USP54: variants seen among roughly 807,000 people sequenced by gnomAD.
USP54 encodes ubiquitin specific peptidase 54.
A neutral mutation model predicts 170.5 loss-of-function variants in USP54; 87 were observed. The ratio of observed to expected loss-of-function variants is 0.51; its 90% CI spans 0.43 to 0.61. The LOEUF is 0.61. Ranked by LOEUF, USP54 falls within the 20% of genes least tolerant of loss-of-function variation. The pLI, the probability that USP54 is intolerant of heterozygous loss-of-function variation, is 0.00. For synonymous variants in USP54, 655 were observed against 742.8 expected, an observed-to-expected ratio of 0.88 and a Z score of 1.92; for missense variants, 1,786 against 2,047.8, an observed-to-expected ratio of 0.87 and a Z score of 2.47.
At chr10:73,573,554 AG>A (rs1161604784) in intron 3 of USP54, among the ~76,000 whole-genome samples, 4 of 152,190 alleles carry the variant, frequency 2.6e-5, no homozygotes, top group African/African-American at 9.7e-5. Context: ...ACCTGAGGTG[AG>A]GGGTTCAAGA....
chr10:73,523,675 A>G lies in USP54; in HGVS notation c.2270T>C (p.Leu757Pro), dbSNP rs1423389839. ...TAACTCCTTCTCCCGTTTTCTTCGA[A>G]GTTCCTGTTCCTGCGCCCTCCTGGC... is the stretch of plus-strand genomic sequence containing the variant. ...EVARRAQEQE[L>P]RRKREKELEA... Residue 757 changes from leucine (L) to proline (P), a missense_variant, in exon 17 of 24, where the codon CTT becomes CCT. Transcript: ENST00000687698. The G allele has an allele frequency of 6.2e-7, 1 of 1,614,000 alleles. No individual in the cohort carries two copies.
intron 1 of USP54, among the ~76,000 whole-genome samples, chr10:73,581,894 A>G (rs1375534268): frequency 6.6e-6 from 1 of 152,242 alleles, no homozygotes; most frequent in African/African-American, 2.4e-5. Flanking sequence ...TGCCAGAATT[A>G]AAGACATACC....
intron 16 of USP54, among the ~76,000 whole-genome samples, chr10:73,524,273 A>G (rs2062456691): frequency 6.6e-6 from 1 of 151,950 alleles, no homozygotes; most frequent in African/African-American, 2.4e-5. Flanking sequence ...CACTTGGGCC[A>G]GGAATAATAA....
rs971552503 is a variant in USP54 at position 73,542,942 on chromosome 10, A to G, written c.490-57T>C. ...AACCATAATCAGGAACTGTTTTGGC[A>G]CCCATTTAACACCCCACATCCCAGG... On this transcript the variant is annotated intron_variant, in intron 6 of 23. Transcript: ENST00000687698. The G allele has an allele frequency of 3.1e-6, 5 of 1,610,122 alleles. No individual in the cohort carries two copies. The African/African-American group carries it at 5.3e-5, about 17-fold the overall frequency.
intron 19 of USP54, chr10:73,518,197 C>T: frequency 1.0e-6 from 1 of 985,396 alleles, no homozygotes; most frequent in South Asian, 4.7e-5. Context: ...ACCTGGGGTC[C>T]TGAGAGGCAG....
intron 1 of USP54, among the ~76,000 whole-genome samples, chr10:73,585,912 C>T (rs2077426009): frequency 6.6e-6 from 1 of 152,008 alleles, no homozygotes; most frequent in Non-Finnish European, 1.5e-5. Flanking sequence ...TCCCAGGAGG[C>T]TGAGGCAGGA....
chr10:73,616,252 T>A (rs1014093657), intron 1 of USP54, among the ~76,000 whole-genome samples: 2 of 141,210 alleles, frequency 1.4e-5, no homozygotes. Flanking sequence ...GCAGGAGAAC[T>A]GCTTGAGCCC....
At position 73,575,819 on chromosome 10, in the gene USP54, G is replaced by A; in HGVS notation, c.-39C>T. 1.3e-6 allele frequency: 1 copy of A among 799,766 alleles called. No homozygotes were observed. Among genetic ancestry groups the A allele is most frequent in the Admixed American group, 3.1e-5 (1 of 31,916 alleles). The allele number at this position is 799,766 out of a possible 1,614,324, so 49.5% of individuals were successfully genotyped here. A position where few individuals can be genotyped will look rare whatever the true frequency, so the allele number is the denominator to read the frequency against. On this transcript the variant is annotated 5_prime_UTR_variant, in exon 2 of 24. Coordinates refer to ENST00000687698, the MANE Select transcript of USP54 (RefSeq NM_001391956.1). ...CCACCTTCCAAATATCATCTGTGTA[G>A]TCAAGGGACTCAGGTATCCTCCTAG...
At chr10:73,511,096 C>CTTT (rs777196673) in intron 20 of USP54, among the ~76,000 whole-genome samples, 4,634 of 121,460 alleles carry the variant, frequency 0.038, 341 homozygotes, top group African/African-American at 0.13. Context: ...ATGAAAACAC[C>CTTT]TTTTTTTTTT....
intron 7 of USP54, among the ~76,000 whole-genome samples, chr10:73,542,426 C>T (rs2066815753): frequency 1.3e-5 from 2 of 151,240 alleles, no homozygotes; most frequent in African/African-American, 4.9e-5. Context: ...TGAATGTCTC[C>T]AATTAAAGTC....
At chr10:73,592,760 T>C (rs955160419), upstream of USP54, among the ~76,000 whole-genome samples, 2 of 152,192 alleles carry the variant, frequency 1.3e-5, no homozygotes, top group African/African-American at 2.4e-5. Context: ...TGATTACAAC[T>C]AGACAACATT....
chr10:73,508,815 A>G (rs1253619912), intron 20 of USP54, among the ~76,000 whole-genome samples: 1 of 151,728 alleles, frequency 6.6e-6, no homozygotes, highest in Non-Finnish European at 1.5e-5. Flanking sequence ...CTACAGGTGC[A>G]TGCCACCATG....
chr10:73,533,197 T>G (rs530117177), intron 12 of USP54, among the ~76,000 whole-genome samples: 2 of 151,928 alleles, frequency 1.3e-5, no homozygotes, highest in South Asian at 4.2e-4. Context: ...TCCCAGCTAC[T>G]CGGGAGGCTG....
chr10:73,546,614 C>T (rs550881418), intron 4 of USP54: 2 of 152,276 alleles, frequency 1.3e-5, no homozygotes, highest in Middle Eastern at 3.4e-3. Flanking sequence ...GGATTACAGA[C>T]GTGAATCACT....
chr10:73,514,931 T>C (rs1407401240), intron 20 of USP54, among the ~76,000 whole-genome samples: 1 of 151,226 alleles, frequency 6.6e-6, no homozygotes, highest in African/African-American at 2.4e-5. Context: ...TCTCAGCTAC[T>C]TGGGAGGCTG....
chr10:73,527,324 C>T (rs182519939), intron 15 of USP54, among the ~76,000 whole-genome samples: 193 of 151,854 alleles, frequency 1.3e-3, no homozygotes, highest in Admixed American at 2.9e-3. Context: ...ATGGTGAAAC[C>T]CCATCTCTAC....
intron 1 of USP54, among the ~76,000 whole-genome samples, chr10:73,579,394 A>T (rs1489134059): frequency 1.3e-5 from 2 of 152,226 alleles, no homozygotes; most frequent in Admixed American, 1.3e-4. Flanking sequence ...AAATATTTGC[A>T]AGTCACATAA....
intron 5 of USP54, among the ~76,000 whole-genome samples, chr10:73,543,370 GT>G (rs1444665939): frequency 6.6e-6 from 1 of 151,588 alleles, no homozygotes; most frequent in East Asian, 1.9e-4. Flanking sequence ...TTTTTTGTTT[GT>G]TTTTTTGTTT....
intron 1 of USP54, among the ~76,000 whole-genome samples, chr10:73,601,447 A>T (rs1289490940): frequency 6.6e-6 from 1 of 152,114 alleles, no homozygotes. Context: ...CTGAATGTGT[A>T]TGTCACCTTC....
Sources: gnomAD v4.1 joint callset for allele counts (sites outside exome capture counted in the v4.1 genomes callset) on GRCh38, gnomAD v4.1.1 for gene constraint, MANE v1.5 for transcripts, NCBI Gene and HGNC (gene_info 2026-07-23, HGNC 2026-07-21) for gene names.